Variants in POLR3C observed in about 807,000 individuals in gnomAD.
POLR3C encodes RNA polymerase III subunit C.
Under a neutral mutation model 65.9 loss-of-function variants are expected in POLR3C, and 44 were observed. The ratio of observed to expected loss-of-function variants is 0.67; its 90% confidence interval spans 0.52 to 0.86. POLR3C has a LOEUF of 0.86. Ranked by LOEUF, POLR3C falls within the 40% of genes least tolerant of loss-of-function variation. POLR3C has a pLI of 0.00. For missense variants in POLR3C, 576 were observed against 653.2 expected (o/e 0.88, Z 1.29); for synonymous variants, 263 against 231.6 (o/e 1.14, Z -1.23).
intron 14 of POLR3C, 124 bp from the exon 15 acceptor site, chr1:145,842,215 C>G: frequency 4.7e-6 from 3 of 631,946 alleles, no homozygotes; most frequent in Middle Eastern, 3.2e-4. Flanking sequence ...GGTTCTCCTG[C>G]TTTCTTTCCA....
chr1:145,837,610 T>C lies in POLR3C; in HGVS notation c.1070+14T>C. Reference sequence around the variant, plus strand: ...CGTACAGGAGAGGTAAGGGGGACACTGGTTGGGTTTGGGATCACATACTTC... The same window carrying C: ...CGTACAGGAGAGGTAAGGGGGACACCGGTTGGGTTTGGGATCACATACTTC... On this transcript the variant is annotated intron_variant, in intron 10 of 14. Coordinates refer to ENST00000334163, the MANE Select transcript of POLR3C (RefSeq NM_006468.8). 6.3e-7 allele frequency: 1 copy of C among 1,582,088 alleles called. No individual in the cohort carries two copies.
intron 8 of POLR3C, 111 bp from the exon 9 acceptor site, chr1:145,836,704 C>T (rs781798512): frequency 6.4e-6 from 6 of 940,782 alleles, no homozygotes; most frequent in Non-Finnish European, 1.1e-5. Context: ...AATTTCTCCA[C>T]ATCATTTGAT....
chr1:145,832,033 G>T (rs1651369965), intron 5 of POLR3C, among the ~76,000 whole-genome samples: 1 of 151,380 alleles, frequency 6.6e-6, no homozygotes, highest in Non-Finnish European at 1.5e-5. Context: ...CAAAGACCCT[G>T]TCTTTAAAAG....
chr1:145,837,581 C>T lies in POLR3C; in HGVS notation c.1055C>T (p.Ser352Phe), dbSNP rs1553729123. Residue 352 changes from serine to phenylalanine, a missense_variant, in exon 10 of 15, where the codon TCC becomes TTC. Coordinates refer to ENST00000334163, the MANE Select transcript of POLR3C (RefSeq NM_006468.8). ...TCCCTAGCCACAGCCACTCTGGAGT[C>T]CGTCGTACAGGAGAGGTAAGGGGGA... is the stretch of plus-strand genomic sequence containing the variant. ...LASLATATLE[S>F]VVQERFGSRC... The T allele has an allele frequency of 6.2e-7, 1 of 1,607,458 alleles. No individual in the cohort carries two copies. The highest frequency in any genetic ancestry group is 2.2e-5 in the East Asian group (1 of 44,794).
chr1:145,839,974 T>A lies in POLR3C; in HGVS notation c.1306T>A (p.Leu436Met). ...VNILSAARMLLHRCYKSIANL... is the reference protein window; with the variant it reads ...VNILSAARMLMHRCYKSIANL... ...CATCCTGTCAGCTGCCCGAATGTTG[T>A]TGCACAGGTGCTACAAGGTAACTCA... The change falls in exon 12 of 15, where the codon TTG (leucine) becomes ATG (methionine). Residue 436 changes from leucine (L) to methionine (M), a missense_variant. Transcript: ENST00000334163. 1 of 1,607,696 alleles carries A rather than the reference T, an allele frequency of 6.2e-7. No homozygotes were observed. Among genetic ancestry groups the A allele is most frequent in the Non-Finnish European group, 8.5e-7 (1 of 1,174,126 alleles).
rs1469418827 is a variant in POLR3C at position 145,843,037 on chromosome 1, C to T, written c.*617C>T. Among the ~76,000 whole-genome samples, 3 of 151,998 alleles carry T rather than the reference C, an allele frequency of 2.0e-5. No individual in the cohort carries two copies. The highest frequency in any genetic ancestry group is 7.3e-5 in the African/African-American group (3 of 41,376). On this transcript the variant is annotated 3_prime_UTR_variant, in exon 15 of 15. Coordinates refer to ENST00000334163, the MANE Select transcript of POLR3C (RefSeq NM_006468.8). ...ACAGGGCCTCCCTGTGTTGCCCAGG[C>T]TGATGAACTGTAATTTTTAACACAC...
chr1:145,824,671 A>C (rs587749343), intron 1 of POLR3C: 1 of 479,210 alleles, frequency 2.1e-6, no homozygotes, highest in Non-Finnish European at 3.8e-6. Flanking sequence ...CATAAAATTA[A>C]CTACGTCCGT....
intron 7 of POLR3C, among the ~76,000 whole-genome samples, chr1:145,834,496 T>C (rs1171979146): frequency 6.7e-6 from 1 of 148,496 alleles, no homozygotes; most frequent in Admixed American, 6.6e-5. Context: ...GTGAAACCCA[T>C]CTACTAAAAT....
intron 2 of POLR3C, among the ~76,000 whole-genome samples, chr1:145,826,212 A>T (rs1650727612): frequency 6.6e-6 from 1 of 152,214 alleles, no homozygotes; most frequent in South Asian, 2.1e-4. Context: ...AAGGAATGAG[A>T]ATGATGAAAG....
In POLR3C at chr1:145,842,694, A is replaced by C. The variant is rs1287496822; in HGVS notation, c.*274A>C. Among the ~76,000 whole-genome samples, 4 of 151,880 alleles carry C rather than the reference A, an allele frequency of 2.6e-5. No individual in the cohort carries two copies. The highest frequency in any genetic ancestry group is 6.6e-5 in the Admixed American group (1 of 15,262). On this transcript the variant is annotated 3_prime_UTR_variant, in exon 15 of 15. Transcript: ENST00000334163. ...ATCTGTTCCCATAAAGAAGTTACCC[A>C]CACCTATGGTTACCTATATCCCTGG...
chr1:145,840,863 C>T (rs980785774), intron 13 of POLR3C, 59 bp from the exon 14 acceptor site: 23 of 1,366,660 alleles, frequency 1.7e-5, no homozygotes, highest in Non-Finnish European at 2.0e-5. Context: ...CTCAGACACA[C>T]GTGGTAAGAG....
chr1:145,838,618 G>C (rs1225347764), intron 11 of POLR3C, among the ~76,000 whole-genome samples: 1 of 152,000 alleles, frequency 6.6e-6, no homozygotes, highest in Non-Finnish European at 1.5e-5. Flanking sequence ...ACCCAGGAGG[G>C]GGAGGTTGCA....
At chr1:145,841,847 T>C (rs1389163854) in intron 14 of POLR3C, among the ~76,000 whole-genome samples, 1 of 152,110 alleles carries the variant, frequency 6.6e-6, no homozygotes, top group African/African-American at 2.4e-5. Flanking sequence ...CAGTAAAAGG[T>C]TGAATAGAAG....
At chr1:145,839,188 T>G (rs1043945940) in intron 11 of POLR3C, among the ~76,000 whole-genome samples, 2 of 152,116 alleles carry the variant, frequency 1.3e-5, no homozygotes, top group Admixed American at 1.3e-4. Context: ...GGAGAATTGC[T>G]TGAACCTGGG....
At chr1:145,835,360 G>A (rs141333427) in intron 7 of POLR3C, among the ~76,000 whole-genome samples, 7,741 of 150,542 alleles carry the variant, frequency 0.051, 299 homozygotes, top group Middle Eastern at 0.13. Context: ...CAGGAGAATC[G>A]CTTGAACCCG....
intron 4 of POLR3C, among the ~76,000 whole-genome samples, chr1:145,827,498 G>A (rs1023629858): frequency 2.0e-5 from 3 of 152,118 alleles, no homozygotes; most frequent in Non-Finnish European, 2.9e-5. Flanking sequence ...GGTGGTTCAC[G>A]CCTGTAATCC....
chr1:145,828,254 A>G (rs1650950884), intron 4 of POLR3C, among the ~76,000 whole-genome samples: 1 of 152,208 alleles, frequency 6.6e-6, no homozygotes, highest in African/African-American at 2.4e-5. Flanking sequence ...GGAGACAGGC[A>G]GGGGCTGAAT....
intron 1 of POLR3C, chr1:145,824,639 C>T: frequency 1.5e-6 from 1 of 657,336 alleles, no homozygotes; most frequent in Non-Finnish European, 2.4e-6. Flanking sequence ...TGTTTGGTAG[C>T]AATTTGTAAT....
intron 9 of POLR3C, among the ~76,000 whole-genome samples, chr1:145,837,082 G>A (rs1651911301): frequency 6.6e-6 from 1 of 152,196 alleles, no homozygotes. Context: ...GCTGAGGCAG[G>A]TGAATTGCAT....
Sources: allele counts gnomAD v4.1 joint callset (sites outside exome capture counted in the v4.1 genomes callset), GRCh38; gene constraint gnomAD v4.1.1; transcripts MANE v1.5; gene names NCBI Gene and HGNC (gene_info 2026-07-23, HGNC 2026-07-21).